The following ELOVL6 variants were observed in gnomAD, a reference collection of about 807,000 sequenced individuals.
ELOVL6 encodes very long chain fatty acid elongase 6.
A neutral mutation model predicts 31.7 loss-of-function variants in ELOVL6; 8 were observed. The observed-to-expected ratio is 0.25, with a 90% CI of 0.15 to 0.45. The LOEUF is 0.45. Ranked by LOEUF, ELOVL6 falls within the 20% of genes least tolerant of loss-of-function variation. ELOVL6 has a pLI of 1.00. For synonymous variants in ELOVL6, 101 were observed against 117.7 expected (o/e 0.86, Z 0.92); for missense variants, 126 against 326.4 (o/e 0.39, Z 4.73).
chr4:110,103,482 T>C (rs74386214), intron 2 of ELOVL6, among the ~76,000 whole-genome samples: 3,411 of 152,170 alleles, frequency 0.022, 144 homozygotes, highest in Admixed American at 0.11. Context: ...CTGATGAATA[T>C]AGACAAAGAA....
chr4:110,188,755 G>A (rs1759519918), intron 1 of ELOVL6, among the ~76,000 whole-genome samples: 1 of 151,998 alleles, frequency 6.6e-6, no homozygotes, highest in Non-Finnish European at 1.5e-5. Flanking sequence ...AGCCAGGCAT[G>A]GTGGCGTATG....
chr4:110,051,306 CCT>C lies in ELOVL6; in HGVS notation c.*30_*31del. 6.2e-7 allele frequency: 1 copy of C among 1,600,472 alleles called. No individual in the cohort carries two copies. Among genetic ancestry groups the C allele is most frequent in the Non-Finnish European group, 8.5e-7 (1 of 1,171,900 alleles). ...TTTGTCTATTATTTTTCTTGATGACCCTGAGCTATGGCTTCCTCCTCAGTTCC... is the reference window on the plus strand; with the variant it reads ...TTTGTCTATTATTTTTCTTGATGACCGAGCTATGGCTTCCTCCTCAGTTCC... On this transcript the variant is annotated 3_prime_UTR_variant, in exon 4 of 4. Transcript: ENST00000302274. The surrounding 1 kb of genome is among the most constrained non-coding windows in gnomAD (Gnocchi z 4.8).
At chr4:110,192,350 G>A (rs956387790) in intron 1 of ELOVL6, among the ~76,000 whole-genome samples, 2 of 152,104 alleles carry the variant, frequency 1.3e-5, no homozygotes, top group Non-Finnish European at 2.9e-5. Context: ...AAGATTTCAG[G>A]AAGAAATTTA....
intron 1 of ELOVL6, among the ~76,000 whole-genome samples, chr4:110,169,867 C>T (rs1246927066): frequency 7.6e-5 from 11 of 144,142 alleles, no homozygotes; most frequent in South Asian, 2.2e-4. Context: ...TGCAATGGTG[C>T]GATCTCAGCT....
intron 2 of ELOVL6, among the ~76,000 whole-genome samples, chr4:110,086,935 C>G (rs77707470): frequency 0.12 from 17,986 of 152,026 alleles, 1,234 homozygotes; most frequent in South Asian, 0.2. Flanking sequence ...TTGAATGTGA[C>G]CGTCCTATAA....
intron 2 of ELOVL6, among the ~76,000 whole-genome samples, chr4:110,086,422 C>A (rs907678925): frequency 1.1e-4 from 17 of 152,206 alleles, no homozygotes; most frequent in African/African-American, 4.1e-4. Flanking sequence ...GCATGTGAAT[C>A]TCTTACATCT....
At chr4:110,119,836 A>T (rs1449139827) in intron 1 of ELOVL6, among the ~76,000 whole-genome samples, 4 of 152,188 alleles carry the variant, frequency 2.6e-5, no homozygotes, top group Non-Finnish European at 5.9e-5. Context: ...CTTTATTCTT[A>T]CAAGTTTCTC....
At position 110,109,653 on chromosome 4, in the gene ELOVL6, A is replaced by C. The variant is rs185787315; in HGVS notation, c.90-4025T>G. ...GCTTTACCCATTAACATTTCTGAAA[A>C]AGTATGCATAAATTGAAATACATGT... On this transcript the variant is annotated intron_variant, in intron 1 of 3. Transcript: ENST00000302274. Among the ~76,000 whole-genome samples, 10 of 152,288 alleles carry C rather than the reference A, an allele frequency of 6.6e-5. No individual in the cohort carries two copies. The East Asian group carries it at 1.9e-3, about 29-fold the overall frequency.
intron 2 of ELOVL6, among the ~76,000 whole-genome samples, chr4:110,094,939 C>G (rs77581301): frequency 6.6e-6 from 1 of 152,050 alleles, no homozygotes; most frequent in Non-Finnish European, 1.5e-5. Flanking sequence ...ACTTGGTGTT[C>G]CAAGGACAGC....
chr4:110,179,533 C>A (rs529537000), intron 1 of ELOVL6, among the ~76,000 whole-genome samples: 56 of 151,910 alleles, frequency 3.7e-4, no homozygotes, highest in African/African-American at 1.3e-3. Context: ...AATATTAAAT[C>A]ATTAAACCCA....
chr4:110,166,913 A>T (rs988229690), intron 1 of ELOVL6, among the ~76,000 whole-genome samples: 2 of 152,182 alleles, frequency 1.3e-5, no homozygotes, highest in African/African-American at 4.8e-5. Flanking sequence ...TTTCTGTAGC[A>T]TTCTACTGTA....
chr4:110,094,358 G>A (rs1756503901), intron 2 of ELOVL6, among the ~76,000 whole-genome samples: 1 of 138,676 alleles, frequency 7.2e-6, no homozygotes, highest in African/African-American at 2.7e-5. Context: ...TTTCAGACCA[G>A]CCTGGACAAC....
chr4:110,076,953 C>T (rs866321898), intron 2 of ELOVL6, among the ~76,000 whole-genome samples: 12 of 152,206 alleles, frequency 7.9e-5, no homozygotes, highest in African/African-American at 2.4e-4. Context: ...GTGACTGGCT[C>T]GGAGGGTCCT....
At chr4:110,137,700 G>A (rs184942156) in intron 1 of ELOVL6, among the ~76,000 whole-genome samples, 26 of 152,232 alleles carry the variant, frequency 1.7e-4, no homozygotes, top group Non-Finnish European at 3.7e-4. Context: ...AAATGTGGAT[G>A]GCTCTTTACA....
chr4:110,060,901 A>T (rs1218430612), intron 2 of ELOVL6, among the ~76,000 whole-genome samples: 1 of 152,236 alleles, frequency 6.6e-6, no homozygotes, highest in Non-Finnish European at 1.5e-5. Flanking sequence ...GAGTTGCTCT[A>T]GAATAAATCA....
rs562460800 is a variant in ELOVL6 at position 110,080,155 on chromosome 4, C to G, written c.222-20401G>C. On this transcript the variant is annotated intron_variant, in intron 2 of 3. Coordinates refer to ENST00000302274, the MANE Select transcript of ELOVL6 (RefSeq NM_024090.3). ...AGATGGATTCACAGCCGAATTCTACCAGAGGTACAAGGAGGAGCTGGTACC... is the reference window on the plus strand; with the variant it reads ...AGATGGATTCACAGCCGAATTCTACGAGAGGTACAAGGAGGAGCTGGTACC... 4.7e-4 allele frequency among the ~76,000 whole-genome samples: 72 copies of G among 152,264 alleles called. 1 individual carries two copies. The South Asian group carries it at 0.014, about 30-fold the overall frequency.
chr4:110,124,939 A>G (rs951166471), intron 1 of ELOVL6, among the ~76,000 whole-genome samples: 3 of 152,196 alleles, frequency 2.0e-5, no homozygotes, highest in Non-Finnish European at 2.9e-5. Flanking sequence ...TAGGCTTTCA[A>G]TTTTCATCAT....
At chr4:110,144,523 T>C (rs1758053982) in intron 1 of ELOVL6, among the ~76,000 whole-genome samples, 1 of 152,196 alleles carries the variant, frequency 6.6e-6, no homozygotes, top group South Asian at 2.1e-4. Flanking sequence ...TGAATAGTCA[T>C]TAGTAAGCTG....
intron 1 of ELOVL6, among the ~76,000 whole-genome samples, chr4:110,175,832 G>A (rs982650697): frequency 6.6e-6 from 1 of 152,206 alleles, no homozygotes; most frequent in Non-Finnish European, 1.5e-5. Flanking sequence ...TCTTTATTAT[G>A]TGCTGAGTAA....
Sources: gnomAD v4.1 joint callset for allele counts (sites outside exome capture counted in the v4.1 genomes callset) on GRCh38, gnomAD v4.1.1 for gene constraint, Gnocchi (gnomAD v3.1) non-coding constraint, MANE v1.5 for transcripts, NCBI Gene and HGNC (gene_info 2026-07-23, HGNC 2026-07-21) for gene names.